SEMA3F: variants seen among roughly 807,000 people sequenced by gnomAD.
SEMA3F encodes the protein semaphorin-3F.
In SEMA3F, 30 loss-of-function variants were observed where a neutral mutation model predicts 98.5. The ratio of observed to expected loss-of-function variants is 0.30; its 90% CI spans 0.23 to 0.41. The LOEUF is 0.41. Ranked by LOEUF, SEMA3F falls within the 10% of genes least tolerant of loss-of-function variation. The pLI, the probability that SEMA3F is intolerant of heterozygous loss-of-function variation, is 1.00. For synonymous variants in SEMA3F, 380 were observed against 444.8 expected (o/e 0.85, Z 1.83); for missense variants, 866 against 1,119.3 (o/e 0.77, Z 3.23).
intron 7 of SEMA3F, among the ~76,000 whole-genome samples, chr3:50,181,587 G>A (rs2109109168): frequency 6.6e-6 from 1 of 151,450 alleles, no homozygotes; most frequent in Middle Eastern, 3.5e-3. Context: ...CTCCCAAAGT[G>A]CTGGGATTAC....
At chr3:50,165,163 G>T (rs866257799) in intron 2 of SEMA3F, among the ~76,000 whole-genome samples, 20 of 152,300 alleles carry the variant, frequency 1.3e-4, no homozygotes, top group Middle Eastern at 3.4e-3. Context: ...CTTCATGGAG[G>T]AGGCTGCATC....
Position 50,173,783 on chromosome 3 carries a change from C to A in SEMA3F, c.113-10C>A. On this transcript the variant is annotated splice_polypyrimidine_tract_variant and intron_variant, in intron 2 of 18. Transcript: ENST00000002829. ...AAGGTCCTAATTGGTGCCCTGCCCT[C>A]CACCCACAGAGCTGAAGGCCACAGG... 6.2e-7 allele frequency: 1 copy of A among 1,613,132 alleles called. No individual in the cohort carries two copies. The highest frequency in any genetic ancestry group is 1.1e-5 in the South Asian group (1 of 91,032).
Position 50,175,179 on chromosome 3 carries a change from C to T in SEMA3F, c.540C>T (p.Ala180=). The change falls in exon 6 of 19, where the codon GCC becomes GCT. Residue 180 remains alanine, a synonymous_variant. Transcript: ENST00000002829. ...TDGALRPMPT[A]PRQDYIFYLE... is the part of the protein sequence containing the mutation. The stretch of plus-strand genomic sequence containing the variant: ...GTGCCCTCCGCCCGATGCCCACAGC[C>T]CCACGCCAGGTGGGCCTCATCCCTC... 2 of 1,595,396 alleles carry T rather than the reference C, an allele frequency of 1.3e-6. No individual in the cohort carries two copies. The highest frequency in any genetic ancestry group is 1.7e-6 in the Non-Finnish European group (2 of 1,170,124).
rs58069716 is a variant in SEMA3F, at chr3:50,166,412, C to T, written c.112+6678C>T. ...GTGGCTAGCACTCCAGGGGGCCTCT[C>T]CCAGGGCTGCCTGTATTGCCATTTT... On this transcript the variant is annotated intron_variant, in intron 2 of 18. Coordinates refer to ENST00000002829, the MANE Select transcript of SEMA3F (RefSeq NM_004186.5). This position sits in a 1 kb window ranked among gnomAD's most constrained non-coding sequence, Gnocchi z 4.7. Among the ~76,000 whole-genome samples, 509 of 152,292 alleles carry T rather than the reference C, an allele frequency of 3.3e-3. 1 individual carries two copies. Among genetic ancestry groups the T allele is most frequent in the African/African-American group, 0.012 (486 of 41,548 alleles).
intron 2 of SEMA3F, among the ~76,000 whole-genome samples, chr3:50,162,767 T>C (rs1320579135): frequency 1.3e-5 from 2 of 152,104 alleles, no homozygotes; most frequent in Non-Finnish European, 2.9e-5. Flanking sequence ...TGGCCAGGGA[T>C]TGGGGCCAAG....
rs1383287109 is a variant in SEMA3F at position 50,159,720 on chromosome 3, G to A, written c.98G>A (p.Arg33Gln). Residue 33 changes from arginine to glutamine, a missense_variant, in exon 2 of 19, where the codon CGG becomes CAG. Physicochemically the swap from Arg to Gln is conservative, Grantham distance 43. This residue lies in a region of SEMA3F where 247 missense variants were observed against 276.0 expected (regional missense o/e 0.89). Transcript: ENST00000002829. Reference protein sequence around the residue: ...QDHLPATPRVRLSFKELKATG... With the variant: ...QDHLPATPRVQLSFKELKATG... The stretch of plus-strand genomic sequence containing the variant: ...CACCTCCCGGCCACGCCCCGGGTCC[G>A]GCTCTCATTCAAAGGTAAGAAGCTG... 4 of 1,609,556 alleles carry A rather than the reference G, an allele frequency of 2.5e-6. No homozygotes were observed. Among genetic ancestry groups the A allele is most frequent in the African/African-American group, 1.3e-5 (1 of 74,906 alleles).
chr3:50,176,931 C>T (rs924992288), intron 7 of SEMA3F, 70 bp downstream of exon 7: 105 of 1,222,100 alleles, frequency 8.6e-5, no homozygotes, highest in Non-Finnish European at 1.2e-5. Flanking sequence ...GGGCATGGCA[C>T]CAACACTTAC....
In SEMA3F at chr3:50,188,922, C is replaced by T. The variant is rs1215564889; in HGVS notation, c.*807C>T. 6.6e-6 allele frequency: 1 copy of T among 152,216 alleles called. No individual in the cohort carries two copies. Among genetic ancestry groups the T allele is most frequent in the Non-Finnish European group, 1.5e-5 (1 of 68,066 alleles). 9.4% of individuals were successfully genotyped at this position (152,216 alleles called of 1,614,324 possible). On this transcript the variant is annotated 3_prime_UTR_variant, in exon 19 of 19. Coordinates refer to ENST00000002829, the MANE Select transcript of SEMA3F (RefSeq NM_004186.5). This position sits in a 1 kb window ranked among gnomAD's most constrained non-coding sequence, Gnocchi z 4.5. ...GCCGGTAGAGGCTCCCCAGGGCTCCCTTATGTCCACCACTTCAGGGGATGG... is the reference window on the plus strand; with the variant it reads ...GCCGGTAGAGGCTCCCCAGGGCTCCTTTATGTCCACCACTTCAGGGGATGG...
chr3:50,186,122 A>G, intron 16 of SEMA3F, 76 bp downstream of exon 16: 1 of 1,511,208 alleles, frequency 6.6e-7, no homozygotes, highest in Non-Finnish European at 9.0e-7. Flanking sequence ...GGTGCATGTG[A>G]TATTACCCGG....
chr3:50,184,563 T>G, intron 12 of SEMA3F, 29 bp from the exon 13 acceptor site: 1 of 1,582,658 alleles, frequency 6.3e-7, no homozygotes, highest in Non-Finnish European at 8.7e-7. Context: ...CCAGGCAGCC[T>G]GGGACTGACA....
At chr3:50,181,921 A>G (rs1699031346) in intron 7 of SEMA3F, among the ~76,000 whole-genome samples, 1 of 152,210 alleles carries the variant, frequency 6.6e-6, no homozygotes, top group Admixed American at 6.5e-5. Context: ...CAGCTGGTCT[A>G]TTAGCTATGC....
At position 50,175,221 on chromosome 3, in the gene SEMA3F, A is replaced by G. The variant is rs1172191696; in HGVS notation, c.549+33A>G. The G allele has an allele frequency of 3.4e-6, 5 of 1,452,682 alleles. No homozygotes were observed. In the East Asian group the frequency reaches 1.2e-4, roughly 35 times the overall value. The allele number at this position is 1,452,682 out of a possible 1,614,324, so 90.0% of individuals were successfully genotyped here. The stretch of plus-strand genomic sequence containing the variant: ...TCATCCCTCCAGGCCTTTGCCAGGC[A>G]GCACTGCCTCTGAGCGGAACTCACC... On this transcript the variant is annotated intron_variant, in intron 6 of 18. Coordinates refer to ENST00000002829, the MANE Select transcript of SEMA3F (RefSeq NM_004186.5).
intron 2 of SEMA3F, among the ~76,000 whole-genome samples, chr3:50,163,824 T>C (rs1698306951): frequency 6.6e-6 from 1 of 151,908 alleles, no homozygotes; most frequent in Non-Finnish European, 1.5e-5. Context: ...GGGTTGGAGC[T>C]CACAAGCCAG....
chr3:50,180,239 C>A (rs1698968544), intron 7 of SEMA3F, among the ~76,000 whole-genome samples: 1 of 152,004 alleles, frequency 6.6e-6, no homozygotes, highest in South Asian at 2.1e-4. Flanking sequence ...AACCTCCACC[C>A]CCCGACTCCC....
At position 50,186,568 on chromosome 3, in the gene SEMA3F, G is replaced by T. The variant is rs372211895; in HGVS notation, c.1814-45G>T. ...CCTGCCCCGAAGCAGTCAGCAGGCT[G>T]CCCGGAGGTGATGCTGCTTTTGCTC... On this transcript the variant is annotated intron_variant, in intron 17 of 18. Transcript: ENST00000002829. The T allele has an allele frequency of 1.9e-6, 3 of 1,567,100 alleles. No individual in the cohort carries two copies. In the African/African-American group the frequency reaches 4.0e-5, roughly 21 times the overall value.
intron 2 of SEMA3F, among the ~76,000 whole-genome samples, chr3:50,171,245 G>C (rs1698589302): frequency 6.6e-6 from 1 of 152,202 alleles, no homozygotes; most frequent in South Asian, 2.1e-4. Flanking sequence ...CTCATCCTCT[G>C]AGTGTTCTCT....
intron 1 of SEMA3F, among the ~76,000 whole-genome samples, chr3:50,157,329 TCCCTCCCTCTC>T (rs1698027038): frequency 1.3e-5 from 2 of 151,920 alleles, no homozygotes; most frequent in Non-Finnish European, 2.9e-5. Flanking sequence ...CTCTCCTCCG[TCCCTCCCTCTC>T]TCCTCCCTCT....
chr3:50,168,113 G>A (rs148502757), intron 2 of SEMA3F, among the ~76,000 whole-genome samples: 1 of 152,184 alleles, frequency 6.6e-6, no homozygotes, highest in African/African-American at 2.4e-5. Context: ...ACCTACCTGG[G>A]GGGAAGCGGG....
chr3:50,187,325 A>C (rs1215393987), intron 18 of SEMA3F, among the ~76,000 whole-genome samples: 1 of 150,172 alleles, frequency 6.7e-6, no homozygotes, highest in Non-Finnish European at 1.5e-5. Context: ...TGGGAGGCTA[A>C]GGTGGGAGGA....
Sources: gnomAD v4.1 joint callset for allele counts (sites outside exome capture counted in the v4.1 genomes callset) on GRCh38, gnomAD v4.1.1 for gene constraint, gnomAD v4.1.1 regional missense constraint, Gnocchi (gnomAD v3.1) non-coding constraint, MANE v1.5 for transcripts, NCBI Gene and HGNC (gene_info 2026-07-23, HGNC 2026-07-21) for gene names.